POU6F2: variants seen among roughly 807,000 people sequenced by gnomAD.
The protein encoded by POU6F2 is POU domain, class 6, transcription factor 2.
In POU6F2, 31 loss-of-function variants were observed where a neutral mutation model predicts 71.3. That is an observed-to-expected ratio of 0.43 (90% CI 0.33 to 0.59). The LOEUF (loss-of-function observed/expected upper bound fraction) is 0.59, where lower values mean the gene tolerates loss of function less well. POU6F2 is among the 20% of genes least tolerant of loss of function. The pLI is 0.04. For synonymous variants in POU6F2, 347 were observed against 355.7 expected (o/e 0.98, Z 0.27); for missense variants, 783 against 856.8 (o/e 0.91, Z 1.07).
At chr7:39,199,202 G>A (rs1030175706) in intron 2 of POU6F2, among the ~76,000 whole-genome samples, 3 of 152,214 alleles carry the variant, frequency 2.0e-5, no homozygotes, top group Non-Finnish European at 4.4e-5. Flanking sequence ...AGGAAGTGGA[G>A]TTGTTTTGCT....
At chr7:39,214,060 G>A (rs968215076) in intron 4 of POU6F2, among the ~76,000 whole-genome samples, 1 of 152,178 alleles carries the variant, frequency 6.6e-6, no homozygotes, top group African/African-American at 2.4e-5. Flanking sequence ...TGAAAATGCA[G>A]TCCCTCAGAA....
At chr7:39,364,900 C>T (rs112680019) in intron 5 of POU6F2, among the ~76,000 whole-genome samples, 6,843 of 152,204 alleles carry the variant, frequency 0.045, 207 homozygotes, top group African/African-American at 0.08. Context: ...TGGAAGTGTT[C>T]CCTGTTAACC....
chr7:39,282,794 G>T (rs1255089119), intron 4 of POU6F2, among the ~76,000 whole-genome samples: 2 of 151,976 alleles, frequency 1.3e-5, no homozygotes, highest in African/African-American at 4.8e-5. Flanking sequence ...TGAATTTTAA[G>T]ATTGTTTTTC....
At chr7:39,445,406 T>C (rs762953243) in intron 7 of POU6F2, among the ~76,000 whole-genome samples, 1 of 152,192 alleles carries the variant, frequency 6.6e-6, no homozygotes, top group African/African-American at 2.4e-5. Flanking sequence ...GGTCTCACCT[T>C]CTCACTCCCT....
chr7:39,030,380 T>C (rs1254575445), intron 1 of POU6F2, among the ~76,000 whole-genome samples: 1 of 150,600 alleles, frequency 6.6e-6, no homozygotes, highest in Non-Finnish European at 1.5e-5. Flanking sequence ...GTTTTTAATA[T>C]AGTTTACTTG....
At chr7:39,309,038 C>T (rs6968121) in intron 4 of POU6F2, among the ~76,000 whole-genome samples, 30,449 of 152,202 alleles carry the variant, frequency 0.2, 3,201 homozygotes, top group African/African-American at 0.27. Flanking sequence ...TGCTCGCAAG[C>T]GGCCATTCAA....
chr7:39,086,835 C>T (rs1053211673), intron 2 of POU6F2, among the ~76,000 whole-genome samples: 4 of 152,052 alleles, frequency 2.6e-5, no homozygotes, highest in Admixed American at 6.6e-5. Context: ...TGTTGAGGCG[C>T]GTGCCTGAGT....
chr7:39,179,550 C>T (rs6974609), intron 2 of POU6F2, among the ~76,000 whole-genome samples: 36,573 of 152,242 alleles, frequency 0.24, 5,039 homozygotes, highest in East Asian at 0.62. Context: ...CACACACACA[C>T]GCACACAGTC....
At chr7:39,095,825 C>G (rs1791444268) in intron 2 of POU6F2, among the ~76,000 whole-genome samples, 1 of 152,068 alleles carries the variant, frequency 6.6e-6, no homozygotes. Context: ...TTAAAACGTG[C>G]CGAAGATTCT....
rs531717641 is a variant in POU6F2, at chr7:39,402,817, T to C, written c.973-3783T>C. On this transcript the variant is annotated intron_variant, in intron 5 of 9. Transcript: ENST00000518318. The stretch of plus-strand genomic sequence containing the variant: ...ATAAAATTGCTCTAAAAATAGGGAA[T>C]AGTTACCCATGTTCCTATTATTTCC... Among the ~76,000 whole-genome samples the C allele has an allele frequency of 1.3e-4, 20 of 152,326 alleles. No homozygotes were observed. The South Asian group carries it at 3.7e-3, about 28-fold the overall frequency.
chr7:39,112,467 T>C (rs1791836317), intron 2 of POU6F2, among the ~76,000 whole-genome samples: 1 of 152,196 alleles, frequency 6.6e-6, no homozygotes, highest in African/African-American at 2.4e-5. Flanking sequence ...AGATACCCTG[T>C]TGTCCATTCT....
At chr7:39,228,588 G>A (rs931096259) in intron 4 of POU6F2, among the ~76,000 whole-genome samples, 2 of 152,366 alleles carry the variant, frequency 1.3e-5, no homozygotes, top group East Asian at 1.9e-4. Context: ...AAAATAAAGC[G>A]GGGTGGTTAA....
At chr7:39,323,208 G>A (rs1785433428) in intron 4 of POU6F2, among the ~76,000 whole-genome samples, 2 of 152,116 alleles carry the variant, frequency 1.3e-5, no homozygotes. Flanking sequence ...GTGGTGCAAT[G>A]CACAACAGGA....
chr7:39,153,795 G>A (rs1281627364), intron 2 of POU6F2, among the ~76,000 whole-genome samples: 1 of 152,110 alleles, frequency 6.6e-6, no homozygotes, highest in Non-Finnish European at 1.5e-5. Context: ...TAACATCCAG[G>A]CCAAAGAGTG....
At chr7:39,256,531 C>T in intron 4 of POU6F2, among the ~76,000 whole-genome samples, 1 of 152,306 alleles carries the variant, frequency 6.6e-6, no homozygotes, top group Middle Eastern at 3.4e-3. Flanking sequence ...CCTCCAGAAC[C>T]TGTGAACAGG....
At chr7:39,235,677 C>T (rs1318474649) in intron 4 of POU6F2, among the ~76,000 whole-genome samples, 3 of 152,178 alleles carry the variant, frequency 2.0e-5, no homozygotes, top group African/African-American at 7.2e-5. Flanking sequence ...CTTAGAATAG[C>T]TGTCACCTAG....
chr7:39,040,275 T>C (rs1584513027), intron 1 of POU6F2, among the ~76,000 whole-genome samples: 1 of 149,346 alleles, frequency 6.7e-6, no homozygotes, highest in African/African-American at 2.5e-5. Flanking sequence ...ATTAATTTCT[T>C]TATTTCTACT....
At chr7:39,375,742 C>T (rs1786698682) in intron 5 of POU6F2, among the ~76,000 whole-genome samples, 1 of 152,128 alleles carries the variant, frequency 6.6e-6, no homozygotes, top group Non-Finnish European at 1.5e-5. Flanking sequence ...GCAGTTAGCC[C>T]TAAAGGAGAC....
Position 39,253,856 on chromosome 7 carries a change from A to AT in POU6F2, c.598+46241dup, listed in dbSNP as rs144722427. ...TTCTTTACGATAGCCAAACCATTAT[A>AT]TTTTTCTCTTAGAGTTTAGTCATTA... On this transcript the variant is annotated intron_variant, in intron 4 of 9. Transcript: ENST00000518318. 4.4e-3 allele frequency among the ~76,000 whole-genome samples: 666 copies of AT among 152,112 alleles called. 3 individuals are homozygous for AT. Among genetic ancestry groups the AT allele is most frequent in the African/African-American group, 0.015 (619 of 41,474 alleles).
Sources: allele counts gnomAD v4.1 joint callset (sites outside exome capture counted in the v4.1 genomes callset), GRCh38; gene constraint gnomAD v4.1.1; transcripts MANE v1.5; gene names NCBI Gene and HGNC (gene_info 2026-07-23, HGNC 2026-07-21).